AP1S2: variants seen among roughly 807,000 people sequenced by gnomAD.
The protein encoded by AP1S2 is AP-1 complex subunit sigma-2.
Under a neutral mutation model 14.3 loss-of-function variants are expected in AP1S2, and 1 was observed. The ratio of observed to expected loss-of-function variants is 0.07; its 90% confidence interval spans 0.02 to 0.33. The LOEUF (loss-of-function observed/expected upper bound fraction) is 0.33, where lower values mean the gene tolerates loss of function less well. Ranked by LOEUF, AP1S2 falls within the 10% of genes least tolerant of loss-of-function variation. AP1S2 has a pLI of 0.99. For missense variants in AP1S2, 30 were observed against 117.7 expected (o/e 0.25, Z 3.45); for synonymous variants, 30 against 40.5 (o/e 0.74, Z 0.99).
chrX:15,828,307 A>T, intron 4 of AP1S2, 107 bp from the exon 5 acceptor site: 6 of 562,965 alleles, frequency 1.1e-5, no homozygotes, highest in Non-Finnish European at 1.5e-5. Flanking sequence ...TCTTAAGTAA[A>T]TTACTTAAAC....
At chrX:15,827,896 A>C (rs1474066855) in intron 5 of AP1S2, among the ~76,000 whole-genome samples, 1 of 111,475 alleles carries the variant, frequency 9.0e-6, no homozygotes, top group African/African-American at 3.3e-5. Flanking sequence ...AGTGCAACCA[A>C]TGGCATCACT....
chrX:15,834,481 A>ATATATATATATATT (rs1569080380), intron 4 of AP1S2, among the ~76,000 whole-genome samples: 3 of 13,011 alleles, frequency 2.3e-4, no homozygotes, highest in Non-Finnish European at 3.6e-4. Context: ...TATATATATA[A>ATATATATATATATT]TTTTTTTTTT....
chrX:15,845,623 G>A (rs1933977398), intron 3 of AP1S2, 107 bp from the exon 4 acceptor site: 1 of 1,017,292 alleles, frequency 9.8e-7, no homozygotes, highest in South Asian at 2.2e-5. Context: ...GAACTAGAGT[G>A]AATCAATCTT....
chrX:15,839,023 C>G (rs902322250), intron 4 of AP1S2, among the ~76,000 whole-genome samples: 2 of 112,083 alleles, frequency 1.8e-5, no homozygotes, highest in Non-Finnish European at 3.8e-5. Flanking sequence ...GCTGGGATTA[C>G]AGGCGTGAGC....
At chrX:15,842,517 C>T (rs1007821196) in intron 4 of AP1S2, among the ~76,000 whole-genome samples, 4 of 112,091 alleles carry the variant, frequency 3.6e-5, no homozygotes, top group Non-Finnish European at 7.5e-5. Context: ...GACAATGTCT[C>T]AATGTGGTAC....
intron 1 of AP1S2, among the ~76,000 whole-genome samples, chrX:15,853,992 G>A (rs1934252679): frequency 9.0e-6 from 1 of 111,674 alleles, no homozygotes; most frequent in African/African-American, 3.3e-5. Flanking sequence ...AAGAGTATGG[G>A]CTCAAGGCTG....
Position 15,834,650 on chromosome X carries a change from A to AT in AP1S2, c.427-6451dup, listed in dbSNP as rs1167300055. On this transcript the variant is annotated intron_variant, in intron 4 of 5. Coordinates refer to ENST00000672987, the MANE Select transcript of AP1S2 (RefSeq NM_001272071.2). Reference sequence around the variant, plus strand: ...ACCACTGTGCCCGGCTAATTTTTGTATTTTTTTTTTTTTTTTAGTAGAGAT... The same window carrying AT: ...ACCACTGTGCCCGGCTAATTTTTGTATTTTTTTTTTTTTTTTTAGTAGAGAT... 4.7e-3 allele frequency among the ~76,000 whole-genome samples: 376 copies of AT among 80,375 alleles called. 5 individuals carry two copies. Among genetic ancestry groups the AT allele is most frequent in the African/African-American group, 0.015 (313 of 21,059 alleles). 69.8% of individuals were successfully genotyped at this position (80,375 alleles called of 115,157 possible).
In AP1S2 at chrX:15,845,419, T is replaced by A. The variant is rs2147318598; in HGVS notation, c.386A>T (p.Asn129Ile). 8.3e-7 allele frequency: 1 copy of A among 1,210,275 alleles called. No homozygotes were observed. The highest frequency in any genetic ancestry group is 1.1e-6 in the Non-Finnish European group (1 of 894,986). The change falls in exon 4 of 6, where the codon AAT becomes ATT. Residue 129 changes from asparagine to isoleucine, a missense_variant. Transcript: ENST00000672987. ...AGCCTGCTCAATTGCTTTAAGGACA[T>A]TTTTCTTGGATGTTTCCTGAACTTC... ...GGEVQETSKKNVLKAIEQADL... is the reference protein window; with the variant it reads ...GGEVQETSKKIVLKAIEQADL...
At chrX:15,828,248 C>A in intron 4 of AP1S2, 48 bp from the exon 5 acceptor site, 1 of 1,014,839 alleles carries the variant, frequency 9.9e-7, no homozygotes, top group Non-Finnish European at 1.3e-6. Context: ...TTATATTAAA[C>A]CATAAATCTT....
Position 15,845,427 on chromosome X carries a change from G to A in AP1S2, c.378C>T (p.Ser126=). The A allele has an allele frequency of 8.3e-7, 1 of 1,209,886 alleles. No individual in the cohort carries two copies. ...FLLGGEVQET[S]KKNVLKAIEQ... is the part of the protein sequence containing the mutation. ...CAATTGCTTTAAGGACATTTTTCTT[G>A]GATGTTTCCTGAACTTCCCCTCCCA... The change falls in exon 4 of 6, where the codon TCC becomes TCT. Residue 126 remains serine (S), a synonymous_variant. Coordinates refer to ENST00000672987, the MANE Select transcript of AP1S2 (RefSeq NM_001272071.2).
chrX:15,828,321 A>G, intron 4 of AP1S2, 121 bp from the exon 5 acceptor site: 1 of 471,645 alleles, frequency 2.1e-6, no homozygotes, highest in Non-Finnish European at 3.2e-6. Flanking sequence ...CTTAAACTCT[A>G]TGGTCTGTTT....
chrX:15,836,644 G>A (rs1933649026), intron 4 of AP1S2, among the ~76,000 whole-genome samples: 1 of 112,309 alleles, frequency 8.9e-6, no homozygotes, highest in Non-Finnish European at 1.9e-5. Context: ...ACTTTGGGAG[G>A]CCAAGGTGGG....
chrX:15,834,467 TATATATATATATAA>T (rs1569080207), intron 4 of AP1S2, among the ~76,000 whole-genome samples: 2,277 of 37,826 alleles, frequency 0.06, 113 homozygotes, highest in Middle Eastern at 0.075. Context: ...TATATATATA[TATATATATATATAA>T]TTTTTTTTTT....
At chrX:15,838,829 C>G (rs1369019014) in intron 4 of AP1S2, among the ~76,000 whole-genome samples, 2 of 110,888 alleles carry the variant, frequency 1.8e-5, no homozygotes, top group African/African-American at 3.3e-5. Flanking sequence ...ATCACTGCAG[C>G]CTCCGCTTCC....
intron 4 of AP1S2, chrX:15,833,048 C>T: frequency 9.2e-7 from 1 of 1,086,640 alleles, no homozygotes; most frequent in East Asian, 3.5e-5. Flanking sequence ...GTCAAATAAC[C>T]TTTTGCCTAA....
At chrX:15,833,472 T>A in intron 4 of AP1S2, 1 of 891,092 alleles carries the variant, frequency 1.1e-6, no homozygotes, top group South Asian at 2.6e-5. Flanking sequence ...ATACTCTTCA[T>A]AGGGAGAAAC....
At chrX:15,852,046 T>G (rs778983380) in intron 2 of AP1S2, among the ~76,000 whole-genome samples, 28 of 112,211 alleles carry the variant, frequency 2.5e-4, no homozygotes, top group Non-Finnish European at 5.1e-4. Flanking sequence ...TGACCCTACT[T>G]TCCCCTGCAA....
rs909162873 is a variant in AP1S2 at position 15,831,236 on chromosome X, G to A, written c.427-3036C>T. 6 of 731,659 alleles carry A rather than the reference G, an allele frequency of 8.2e-6. No homozygotes were observed. In the African/African-American group the frequency reaches 1.4e-4, roughly 17 times the overall value. The allele number at this position is 731,659 out of a possible 1,213,427, so 60.3% of individuals were successfully genotyped here. A position where few individuals can be genotyped will look rare whatever the true frequency, so the allele number is the denominator to read the frequency against. On this transcript the variant is annotated intron_variant, in intron 4 of 5. Transcript: ENST00000672987. ...ATCACAGATGGTTCATTAATAATAT[G>A]TATGTGTTTAAGATTTAATATTACT...
chrX:15,833,493 T>G, intron 4 of AP1S2: 1 of 869,296 alleles, frequency 1.2e-6, no homozygotes, highest in Non-Finnish European at 1.4e-6. Context: ...CCCTCTTCAC[T>G]GGAAAAACAT....
Sources: gnomAD v4.1 joint callset for allele counts (sites outside exome capture counted in the v4.1 genomes callset) on GRCh38, gnomAD v4.1.1 for gene constraint, MANE v1.5 for transcripts, NCBI Gene and HGNC (gene_info 2026-07-23, HGNC 2026-07-21) for gene names.